ANO2: variants seen among roughly 807,000 people sequenced by gnomAD.
The protein encoded by ANO2 is anoctamin 2.
In ANO2, 101 loss-of-function variants were observed where a neutral mutation model predicts 124.2. The observed-to-expected ratio is 0.81, with a 90% CI of 0.69 to 0.96. The LOEUF is 0.96. Ranked by LOEUF, ANO2 falls within the 40% of genes least tolerant of loss-of-function variation. The probability of loss-of-function intolerance (pLI) is 0.00; values close to 1 mark genes in which losing one functional copy is unlikely to be tolerated. For missense variants in ANO2, 1,293 were observed against 1,274.5 expected (o/e 1.01, Z -0.22); for synonymous variants, 486 against 482.5 (o/e 1.01, Z -0.09).
intron 11 of ANO2, 115 bp downstream of exon 11, chr12:5,750,721 G>C (rs1165809140): frequency 4.1e-5 from 45 of 1,096,954 alleles, no homozygotes; most frequent in Non-Finnish European, 5.7e-5. Context: ...TAGCGAAGGA[G>C]AATGATAGAG....
chr12:5,777,344 T>A (rs1174409241), intron 10 of ANO2, among the ~76,000 whole-genome samples: 1 of 152,164 alleles, frequency 6.6e-6, no homozygotes, highest in Non-Finnish European at 1.5e-5. Flanking sequence ...CAAGCATTTG[T>A]CCTTCACCTC....
At chr12:5,584,100 G>T in intron 20 of ANO2, 1 of 228,282 alleles carries the variant, frequency 4.4e-6, no homozygotes, top group South Asian at 6.9e-5. Context: ...CATTCTCTTG[G>T]CTCCCTGTGT....
intron 14 of ANO2, among the ~76,000 whole-genome samples, chr12:5,696,326 T>C (rs1949173565): frequency 6.6e-6 from 1 of 152,170 alleles, no homozygotes; most frequent in Non-Finnish European, 1.5e-5. Context: ...TAATTGCAGA[T>C]GCAGCAAAGA....
intron 4 of ANO2, among the ~76,000 whole-genome samples, chr12:5,843,891 G>A (rs1034646962): frequency 3.3e-5 from 5 of 152,192 alleles, no homozygotes; most frequent in South Asian, 2.1e-4. Context: ...CAGGGAACAC[G>A]TAAGAGATAT....
At chr12:5,696,111 A>G (rs1256476147) in intron 14 of ANO2, among the ~76,000 whole-genome samples, 1 of 152,136 alleles carries the variant, frequency 6.6e-6, no homozygotes, top group Admixed American at 6.5e-5. Flanking sequence ...AACAGAGTTC[A>G]GTCCAAAGAA....
At chr12:5,666,970 C>T (rs1017877816) in intron 14 of ANO2, among the ~76,000 whole-genome samples, 10 of 152,200 alleles carry the variant, frequency 6.6e-5, no homozygotes, top group Admixed American at 2.6e-4. Context: ...TGTGCTCAAG[C>T]CTCAGTAAAA....
At chr12:5,669,978 G>A (rs1376041968) in intron 14 of ANO2, among the ~76,000 whole-genome samples, 2 of 152,152 alleles carry the variant, frequency 1.3e-5, no homozygotes, top group Non-Finnish European at 2.9e-5. Flanking sequence ...CCCATAAACA[G>A]GTTCTCTTTA....
At chr12:5,938,100 G>A (rs1005220485) in intron 1 of ANO2, among the ~76,000 whole-genome samples, 1 of 152,186 alleles carries the variant, frequency 6.6e-6, no homozygotes, top group African/African-American at 2.4e-5. Context: ...TCTTAGCCAA[G>A]GACTCACGAA....
intron 10 of ANO2, among the ~76,000 whole-genome samples, chr12:5,762,531 A>C (rs1951770981): frequency 6.6e-6 from 1 of 151,966 alleles, no homozygotes; most frequent in Non-Finnish European, 1.5e-5. Context: ...AAGATGTTAA[A>C]TGGTATGAAC....
intron 10 of ANO2, among the ~76,000 whole-genome samples, chr12:5,751,589 T>C (rs1951443047): frequency 6.6e-6 from 1 of 152,190 alleles, no homozygotes; most frequent in South Asian, 2.1e-4. Flanking sequence ...GTTGAACATA[T>C]ACAACTTGAT....
intron 23 of ANO2, 136 bp downstream of exon 23, chr12:5,575,698 A>G (rs1169912713): frequency 1.0e-6 from 1 of 971,986 alleles, no homozygotes. Context: ...CTTACGGGAC[A>G]ATCGCCATAT....
intron 16 of ANO2, among the ~76,000 whole-genome samples, chr12:5,615,922 CA>C (rs1944782350): frequency 6.6e-6 from 1 of 152,064 alleles, no homozygotes; most frequent in Non-Finnish European, 1.5e-5. Context: ...GTGAAACAAA[CA>C]GCTTGAGCCT....
chr12:5,753,167 AGG>A (rs1165150323), intron 10 of ANO2, among the ~76,000 whole-genome samples: 2 of 152,194 alleles, frequency 1.3e-5, no homozygotes. Context: ...GATGAATTTA[AGG>A]GTTTCAATAT....
intron 14 of ANO2, among the ~76,000 whole-genome samples, chr12:5,655,189 G>A (rs1436335291): frequency 2.6e-5 from 4 of 151,908 alleles, no homozygotes; most frequent in African/African-American, 9.7e-5. Flanking sequence ...TTCTCCTTTT[G>A]CCACCTACAA....
rs116810278 is a variant in ANO2 at position 5,632,025 on chromosome 12, T to C, written c.1816+3127A>G. On this transcript the variant is annotated intron_variant, in intron 16 of 24. Coordinates refer to ENST00000682330, the MANE Select transcript of ANO2 (RefSeq NM_001364791.2). ...GTGAAAACCATCCAGACAGAGGGGA[T>C]GACCAGAGGACAGGAGGAATATGAA... 1.0e-3 allele frequency among the ~76,000 whole-genome samples: 153 copies of C among 152,142 alleles called. 1 individual carries two copies. The highest frequency in any genetic ancestry group is 3.6e-3 in the African/African-American group (151 of 41,514).
chr12:5,607,422 A>AT (rs1944274069), intron 19 of ANO2, among the ~76,000 whole-genome samples: 1 of 138,324 alleles, frequency 7.2e-6, no homozygotes, highest in South Asian at 2.3e-4. Context: ...TAACGTAAAA[A>AT]CCTTTTTTTT....
chr12:5,918,667 T>C (rs1177363115), intron 3 of ANO2, among the ~76,000 whole-genome samples: 1 of 152,024 alleles, frequency 6.6e-6, no homozygotes, highest in Non-Finnish European at 1.5e-5. Flanking sequence ...TCTTGATCTC[T>C]TGACCTCATA....
chr12:5,740,474 A>C (rs529131926), intron 12 of ANO2: 3 of 155,692 alleles, frequency 1.9e-5, no homozygotes, highest in East Asian at 1.9e-4. Context: ...ACAAAACACC[A>C]TTCTAGGCAT....
At chr12:5,906,567 C>T (rs1268410505) in intron 3 of ANO2, among the ~76,000 whole-genome samples, 2 of 151,918 alleles carry the variant, frequency 1.3e-5, no homozygotes, top group African/African-American at 2.4e-5. Context: ...GAGGCCAAGG[C>T]GGGCAGATCA....
Sources: gnomAD v4.1 joint callset for allele counts (sites outside exome capture counted in the v4.1 genomes callset) on GRCh38, gnomAD v4.1.1 for gene constraint, MANE v1.5 for transcripts, NCBI Gene and HGNC (gene_info 2026-07-23, HGNC 2026-07-21) for gene names.